Variants in CRTAC1 observed in about 807,000 individuals in gnomAD.
CRTAC1 encodes acidic secreted protein in cartilage.
In CRTAC1, 37 loss-of-function variants were observed where a neutral mutation model predicts 67.8. The observed-to-expected ratio is 0.55, with a 90% CI of 0.42 to 0.72. The LOEUF (loss-of-function observed/expected upper bound fraction) is 0.72. Among genes scored for constraint, CRTAC1 ranks in the 30% least tolerant of loss-of-function variants. The probability of loss-of-function intolerance (pLI) is 0.00; values close to 1 mark genes in which losing one functional copy is unlikely to be tolerated. For synonymous variants in CRTAC1, 348 were observed against 371.0 expected (o/e 0.94, Z 0.71); for missense variants, 780 against 931.6 (o/e 0.84, Z 2.12).
chr10:97,893,171 G>A (rs11189421), intron 11 of CRTAC1, among the ~76,000 whole-genome samples: 29,567 of 152,238 alleles, frequency 0.19, 2,927 homozygotes, highest in African/African-American at 0.23. Context: ...GCTTGGCACT[G>A]TGTCTAGAAT....
chr10:97,986,153 C>T (rs1323893893), intron 2 of CRTAC1, among the ~76,000 whole-genome samples: 4 of 152,158 alleles, frequency 2.6e-5, no homozygotes, highest in South Asian at 2.1e-4. Context: ...GGAGGGAGGC[C>T]GCTTGGGGAT....
chr10:97,892,468 C>T (rs573499586), intron 11 of CRTAC1, among the ~76,000 whole-genome samples: 7 of 152,186 alleles, frequency 4.6e-5, no homozygotes, highest in Non-Finnish European at 8.8e-5. Flanking sequence ...AAGCAGCTAC[C>T]AGAGGTGTTA....
At chr10:97,886,601 T>C (rs1337920736) in intron 11 of CRTAC1, among the ~76,000 whole-genome samples, 2 of 152,084 alleles carry the variant, frequency 1.3e-5, no homozygotes, top group Non-Finnish European at 2.9e-5. Context: ...AGAAGCGGGG[T>C]GAAAATGGGA....
At chr10:97,962,620 G>A (rs2051544195) in intron 2 of CRTAC1, among the ~76,000 whole-genome samples, 1 of 152,158 alleles carries the variant, frequency 6.6e-6, no homozygotes, top group African/African-American at 2.4e-5. Flanking sequence ...AATGCCGTGG[G>A]GACCAGGGCT....
At chr10:97,911,780 C>T (rs1405415196) in intron 5 of CRTAC1, among the ~76,000 whole-genome samples, 1 of 152,196 alleles carries the variant, frequency 6.6e-6, no homozygotes, top group African/African-American at 2.4e-5. Flanking sequence ...AGGGCTTTCC[C>T]CTCCTCTCCT....
chr10:97,933,816 T>G (rs2136610700), intron 3 of CRTAC1, among the ~76,000 whole-genome samples: 2 of 152,362 alleles, frequency 1.3e-5, no homozygotes, highest in Admixed American at 1.3e-4. Flanking sequence ...TCTGAGATAG[T>G]GGCCTTCCAC....
chr10:97,954,221 T>C (rs938081394), intron 2 of CRTAC1, among the ~76,000 whole-genome samples: 2 of 152,090 alleles, frequency 1.3e-5, no homozygotes, highest in Non-Finnish European at 1.5e-5. Flanking sequence ...GAAGAGGATA[T>C]ACAGCAAGAA....
At chr10:97,890,206 T>G (rs584965) in intron 11 of CRTAC1, among the ~76,000 whole-genome samples, 87,897 of 151,714 alleles carry the variant, frequency 0.58, 25,959 homozygotes, top group East Asian at 0.84. Flanking sequence ...AGCCTCAAAC[T>G]CCTGGCCTTG....
chr10:97,885,046 G>C (rs2050262077), intron 11 of CRTAC1, among the ~76,000 whole-genome samples: 1 of 152,210 alleles, frequency 6.6e-6, no homozygotes, highest in Admixed American at 6.5e-5. Flanking sequence ...AGTCCAGTTG[G>C]GGAGACAAGC....
chr10:97,983,883 C>T (rs776687067), intron 2 of CRTAC1, among the ~76,000 whole-genome samples: 5 of 152,230 alleles, frequency 3.3e-5, no homozygotes, highest in Non-Finnish European at 7.3e-5. Context: ...ACACAGCATA[C>T]ACACATTTTT....
chr10:97,996,632 G>C (rs1590275167), intron 2 of CRTAC1, among the ~76,000 whole-genome samples: 1 of 152,196 alleles, frequency 6.6e-6, no homozygotes, highest in African/African-American at 2.4e-5. Context: ...TTACACTGTT[G>C]GTGGGACTGT....
intron 5 of CRTAC1, among the ~76,000 whole-genome samples, chr10:97,917,113 T>A (rs1338343248): frequency 6.6e-6 from 1 of 152,242 alleles, no homozygotes; most frequent in Non-Finnish European, 1.5e-5. Context: ...CAATAAAGAA[T>A]GCTTTAAATC....
chr10:98,019,231 A>G (rs1380248959), intron 1 of CRTAC1, among the ~76,000 whole-genome samples: 1 of 152,124 alleles, frequency 6.6e-6, no homozygotes, highest in Non-Finnish European at 1.5e-5. Context: ...CCCAGCCTTC[A>G]CCCAGCCTGT....
intron 8 of CRTAC1, among the ~76,000 whole-genome samples, chr10:97,898,955 G>A (rs2050497635): frequency 1.3e-5 from 2 of 152,064 alleles, no homozygotes; most frequent in Admixed American, 1.3e-4. Flanking sequence ...TTAAGTGACT[G>A]TTTGGGTGCT....
chr10:97,895,413 C>T lies in CRTAC1; in HGVS notation c.1318G>A (p.Gly440Ser), dbSNP rs2050443362. ...ACTCGCAGCCAGTTGTTGTTGAAGC[C>T]CTGCAGAGAGGGTGAGAGGCAGACA... ...QPLSVFRGNQ[G>S]FNNNWLRVVP... The change falls in exon 11 of 15, where the codon GGC becomes AGC. Residue 440 changes from glycine to serine, a missense_variant and splice_region_variant. Transcript: ENST00000370597. The surrounding 1 kb of genome is among the most constrained non-coding windows in gnomAD (Gnocchi z 4.2). 2 of 1,595,876 alleles carry T rather than the reference C, an allele frequency of 1.3e-6. No individual in the cohort carries two copies. The highest frequency in any genetic ancestry group is 1.3e-5 in the African/African-American group (1 of 74,534).
At chr10:97,952,419 T>A (rs2051371480) in intron 2 of CRTAC1, among the ~76,000 whole-genome samples, 1 of 150,752 alleles carries the variant, frequency 6.6e-6, no homozygotes, top group Non-Finnish European at 1.5e-5. Flanking sequence ...GCACCTGTAA[T>A]CCCAGCTACT....
chr10:97,923,099 G>T (rs1170792289), intron 4 of CRTAC1, among the ~76,000 whole-genome samples, 165 bp downstream of exon 4: 1 of 150,264 alleles, frequency 6.7e-6, no homozygotes, highest in Non-Finnish European at 1.5e-5. Flanking sequence ...GGATGTGAAA[G>T]GTACATAGGA....
In CRTAC1 at chr10:97,975,946, T is replaced by G. The variant is rs2136658133; in HGVS notation, c.224+35192A>C. The stretch of plus-strand genomic sequence containing the variant: ...GTGGCCCGTTCCCCGAACCACATCT[T>G]ACATCTTCGGGCCCCTATAGAGACC... On this transcript the variant is annotated intron_variant, in intron 2 of 14. Transcript: ENST00000370597. The surrounding 1 kb of genome is among the most constrained non-coding windows in gnomAD (Gnocchi z 4.8). Among the ~76,000 whole-genome samples the G allele has an allele frequency of 6.6e-6, 1 of 152,260 alleles. No homozygotes were observed. Among genetic ancestry groups the G allele is most frequent in the Non-Finnish European group, 1.5e-5 (1 of 68,022 alleles).
chr10:97,911,767 A>AC (rs2136579901), intron 5 of CRTAC1, among the ~76,000 whole-genome samples: 1 of 152,330 alleles, frequency 6.6e-6, no homozygotes, highest in Non-Finnish European at 1.5e-5. Flanking sequence ...AATGTCTTCT[A>AC]CCAGGGCTTT....
Sources: gnomAD v4.1 joint callset for allele counts (sites outside exome capture counted in the v4.1 genomes callset) on GRCh38, gnomAD v4.1.1 for gene constraint, Gnocchi (gnomAD v3.1) non-coding constraint, MANE v1.5 for transcripts, NCBI Gene and HGNC (gene_info 2026-07-23, HGNC 2026-07-21) for gene names.